CAMK4: variants seen among roughly 807,000 people sequenced by gnomAD.
CAMK4 encodes calcium/calmodulin dependent protein kinase IV, also known as calcium/calmodulin-dependent protein kinase type IV.
A neutral mutation model predicts 44.9 loss-of-function variants in CAMK4; 22 were observed. The ratio of observed to expected loss-of-function variants is 0.49; its 90% CI spans 0.35 to 0.70. The LOEUF is 0.70. Among genes scored for constraint, CAMK4 ranks in the 30% least tolerant of loss-of-function variants. The pLI is 0.01. For missense variants in CAMK4, 498 were observed against 586.8 expected (o/e 0.85, Z 1.56); for synonymous variants, 218 against 215.4 (o/e 1.01, Z -0.11).
chr5:111,434,874 G>A (rs988081207), intron 5 of CAMK4, among the ~76,000 whole-genome samples: 3 of 152,104 alleles, frequency 2.0e-5, no homozygotes, highest in Non-Finnish European at 4.4e-5. Context: ...TTTCTGTAAT[G>A]ACTGTTTCTT....
intron 1 of CAMK4, among the ~76,000 whole-genome samples, chr5:111,294,485 A>G (rs906108321): frequency 4.6e-5 from 7 of 152,226 alleles, no homozygotes; most frequent in African/African-American, 1.7e-4. Context: ...GAAACAGCTT[A>G]AAAGGTGGAG....
In CAMK4 at chr5:111,492,398, A is replaced by G. The variant is rs1450657548; in HGVS notation, c.*7932A>G. The G allele has an allele frequency of 2.0e-5, 3 of 152,192 alleles. No individual in the cohort carries two copies. The highest frequency in any genetic ancestry group is 4.4e-5 in the Non-Finnish European group (3 of 68,018). The allele number at this position is 152,192 out of a possible 1,614,324, so 9.4% of individuals were successfully genotyped here. A position where few individuals can be genotyped will look rare whatever the true frequency, so the allele number is the denominator to read the frequency against. ...GTAGAACTCAGAACAAAAGATATCA[A>G]TCTTCTGCCAGTCCGCATCATTATG... On this transcript the variant is annotated 3_prime_UTR_variant, in exon 11 of 11. Transcript: ENST00000282356.
chr5:111,418,717 T>A (rs889312591), intron 5 of CAMK4, among the ~76,000 whole-genome samples: 6 of 152,034 alleles, frequency 3.9e-5, no homozygotes, highest in African/African-American at 9.7e-5. Flanking sequence ...CTTGTGATAG[T>A]TTACTGAGAA....
chr5:111,255,060 T>C (rs533736153), intron 1 of CAMK4, among the ~76,000 whole-genome samples: 1 of 120,626 alleles, frequency 8.3e-6, no homozygotes, highest in African/African-American at 3.1e-5. Context: ...TACTTAGTAC[T>C]TAAAAAAAAA....
At chr5:111,389,008 C>T (rs1012267924) in intron 4 of CAMK4, among the ~76,000 whole-genome samples, 6 of 152,178 alleles carry the variant, frequency 3.9e-5, no homozygotes, top group African/African-American at 1.4e-4. Flanking sequence ...CAGGCACTAT[C>T]TTAGACCTTT....
intron 1 of CAMK4, among the ~76,000 whole-genome samples, chr5:111,329,994 G>A (rs1749090024): frequency 6.6e-6 from 1 of 151,422 alleles, no homozygotes; most frequent in African/African-American, 2.4e-5. Context: ...CCAAGCTAGT[G>A]CAATTGGAAG....
chr5:111,427,875 A>G (rs1165566970), intron 5 of CAMK4, among the ~76,000 whole-genome samples: 2 of 152,230 alleles, frequency 1.3e-5, no homozygotes, highest in Admixed American at 1.3e-4. Flanking sequence ...GTAGAGCCCC[A>G]GGGCCTTGAG....
intron 5 of CAMK4, among the ~76,000 whole-genome samples, chr5:111,406,398 A>AT (rs530230526): frequency 0.011 from 1,602 of 151,758 alleles, 18 homozygotes; most frequent in Non-Finnish European, 0.017. Flanking sequence ...TAATTTTTGT[A>AT]TTTTTTGTAG....
chr5:111,288,737 A>G (rs1357222747), intron 1 of CAMK4, among the ~76,000 whole-genome samples: 4 of 152,170 alleles, frequency 2.6e-5, no homozygotes, highest in African/African-American at 9.7e-5. Context: ...GTGTAGTCCC[A>G]AGGAGCAGGG....
At chr5:111,247,606 C>A (rs1427293252) in intron 1 of CAMK4, among the ~76,000 whole-genome samples, 1 of 151,574 alleles carries the variant, frequency 6.6e-6, no homozygotes, top group Non-Finnish European at 1.5e-5. Flanking sequence ...CCAGTACAAT[C>A]GAAAGTCTGG....
chr5:111,376,390 A>C (rs566828832), intron 3 of CAMK4, among the ~76,000 whole-genome samples: 59 of 152,148 alleles, frequency 3.9e-4, no homozygotes, highest in African/African-American at 1.3e-3. Flanking sequence ...CTATTGATTG[A>C]TATACCCTTT....
intron 5 of CAMK4, among the ~76,000 whole-genome samples, chr5:111,425,254 A>G (rs983048356): frequency 6.6e-6 from 1 of 152,180 alleles, no homozygotes; most frequent in African/African-American, 2.4e-5. Context: ...GCCAATTGCA[A>G]CTTTCATTCA....
At chr5:111,308,191 G>A (rs1748015467) in intron 1 of CAMK4, among the ~76,000 whole-genome samples, 1 of 141,624 alleles carries the variant, frequency 7.1e-6, no homozygotes, top group South Asian at 2.2e-4. Flanking sequence ...CATGGCACAT[G>A]TATACATATG....
chr5:111,377,065 T>TA (rs1165426223), intron 4 of CAMK4, 123 bp downstream of exon 4: 9 of 592,290 alleles, frequency 1.5e-5, no homozygotes, highest in East Asian at 2.8e-5. Context: ...TAAATACTAC[T>TA]AAAAAAAGTC....
chr5:111,423,755 G>T (rs1374360009), intron 5 of CAMK4, among the ~76,000 whole-genome samples: 1 of 152,074 alleles, frequency 6.6e-6, no homozygotes, highest in Non-Finnish European at 1.5e-5. Context: ...AAATGCTTTT[G>T]CTCTATTCTT....
intron 7 of CAMK4, among the ~76,000 whole-genome samples, chr5:111,454,044 G>A (rs1327113039): frequency 1.3e-5 from 2 of 152,068 alleles, no homozygotes; most frequent in African/African-American, 2.4e-5. Flanking sequence ...GGAGAGACAG[G>A]CTCTCTGCAA....
At chr5:111,343,265 A>T (rs1192983217) in intron 1 of CAMK4, among the ~76,000 whole-genome samples, 1 of 151,726 alleles carries the variant, frequency 6.6e-6, no homozygotes, top group African/African-American at 2.4e-5. Context: ...GGGACCGAGT[A>T]TAAGAGGTCC....
chr5:111,461,587 T>G (rs1309656670), intron 7 of CAMK4, among the ~76,000 whole-genome samples: 1 of 152,084 alleles, frequency 6.6e-6, no homozygotes, highest in Admixed American at 6.5e-5. Context: ...AAGTGCATTC[T>G]TCTCCTCTGG....
At chr5:111,433,990 C>T (rs1309274175) in intron 5 of CAMK4, among the ~76,000 whole-genome samples, 1 of 152,052 alleles carries the variant, frequency 6.6e-6, no homozygotes, top group Non-Finnish European at 1.5e-5. Flanking sequence ...TATGGGGGTG[C>T]TTAAAAGACA....
Sources: allele counts gnomAD v4.1 joint callset (sites outside exome capture counted in the v4.1 genomes callset), GRCh38; gene constraint gnomAD v4.1.1; transcripts MANE v1.5; gene names NCBI Gene and HGNC (gene_info 2026-07-23, HGNC 2026-07-21).